Variants in RBFOX1 observed in about 807,000 individuals in gnomAD.
The protein encoded by RBFOX1 is RNA binding fox-1 homolog 1, also known as RNA binding protein fox-1 homolog 1.
A neutral mutation model predicts 57.7 loss-of-function variants in RBFOX1; 8 were observed. That is an observed-to-expected ratio of 0.14 (90% CI 0.08 to 0.25). The LOEUF is 0.25. Ranked by LOEUF, RBFOX1 falls within the 10% of genes least tolerant of loss-of-function variation. The pLI, the probability that RBFOX1 is intolerant of heterozygous loss-of-function variation, is 1.00. For missense variants in RBFOX1, 611 were observed against 548.5 expected, an observed-to-expected ratio of 1.11 and a Z score of -1.14; for synonymous variants, 326 against 222.4, an observed-to-expected ratio of 1.47 and a Z score of -4.15.
intron 3 of RBFOX1, among the ~76,000 whole-genome samples, chr16:6,699,684 C>T (rs1013503837): frequency 6.6e-6 from 1 of 152,124 alleles, no homozygotes; most frequent in African/African-American, 2.4e-5. Flanking sequence ...ATGGACAAGG[C>T]ATTGGGTTAA....
At chr16:6,337,004 A>G (rs78209119) in intron 2 of RBFOX1, among the ~76,000 whole-genome samples, 1,960 of 152,268 alleles carry the variant, frequency 0.013, 35 homozygotes, top group African/African-American at 0.045. Flanking sequence ...CCTTATTCTA[A>G]AGGAACTCAA....
chr16:6,808,176 G>GTA (rs1200703898), intron 3 of RBFOX1, among the ~76,000 whole-genome samples: 5 of 143,836 alleles, frequency 3.5e-5, no homozygotes, highest in African/African-American at 1.4e-4. Context: ...GTGTGTGTGT[G>GTA]TGTATATATA....
intron 2 of RBFOX1, among the ~76,000 whole-genome samples, chr16:6,395,496 T>G (rs1002224593): frequency 1.3e-5 from 2 of 151,284 alleles, no homozygotes; most frequent in Non-Finnish European, 2.9e-5. Context: ...CTTTTTCTCA[T>G]TTTTTGTAGA....
chr16:6,497,603 C>T (rs1038576184), intron 2 of RBFOX1, among the ~76,000 whole-genome samples: 1 of 151,628 alleles, frequency 6.6e-6, no homozygotes, highest in Non-Finnish European at 1.5e-5. Flanking sequence ...GTCACCCAGG[C>T]TGGACTGCAG....
Position 7,551,765 on chromosome 16 carries a change from A to G in RBFOX1, c.271-28012A>G, listed in dbSNP as rs138572004. ...CTGTGTTCCATGAGATCCCACTGGTAGCTTGAAATAGGCCATGATGTCAAT... is the reference window on the plus strand; with the variant it reads ...CTGTGTTCCATGAGATCCCACTGGTGGCTTGAAATAGGCCATGATGTCAAT... On this transcript the variant is annotated intron_variant, in intron 5 of 15. Coordinates refer to ENST00000550418, the MANE Select transcript of RBFOX1 (RefSeq NM_018723.4). 3.9e-5 allele frequency among the ~76,000 whole-genome samples: 6 copies of G among 152,314 alleles called. No homozygotes were observed. In the East Asian group the frequency reaches 9.6e-4, roughly 24 times the overall value.
chr16:6,649,987 G>T (rs1445527081), intron 2 of RBFOX1, among the ~76,000 whole-genome samples: 2 of 152,146 alleles, frequency 1.3e-5, no homozygotes, highest in Non-Finnish European at 2.9e-5. Flanking sequence ...TATTCAGTTT[G>T]ATTCCCTATC....
chr16:5,806,317 G>A (rs1276749275), intron 3 of RBFOX1, among the ~76,000 whole-genome samples: 1 of 152,160 alleles, frequency 6.6e-6, no homozygotes, highest in East Asian at 1.9e-4. Context: ...TTGGCATTTG[G>A]CGTCTGGTGA....
intron 1 of RBFOX1, among the ~76,000 whole-genome samples, chr16:6,143,234 A>G (rs1164728812): frequency 6.6e-6 from 1 of 152,178 alleles, no homozygotes; most frequent in Non-Finnish European, 1.5e-5. Flanking sequence ...TGAAAAGTGG[A>G]ATTGCATGTT....
At chr16:6,840,689 C>T (rs891827226) in intron 3 of RBFOX1, among the ~76,000 whole-genome samples, 5 of 151,770 alleles carry the variant, frequency 3.3e-5, no homozygotes, top group Non-Finnish European at 5.9e-5. Context: ...CAGATCGAGA[C>T]CATCCTGGCC....
intron 4 of RBFOX1, among the ~76,000 whole-genome samples, chr16:7,154,561 G>A (rs893437891): frequency 1.3e-5 from 2 of 152,146 alleles, no homozygotes; most frequent in Non-Finnish European, 2.9e-5. Context: ...TCTTCCTCTT[G>A]TTAAAACTAT....
At chr16:6,513,291 G>T (rs1001576245) in intron 2 of RBFOX1, among the ~76,000 whole-genome samples, 3 of 152,216 alleles carry the variant, frequency 2.0e-5, no homozygotes, top group African/African-American at 7.2e-5. Context: ...CTGGCAAAGG[G>T]ACTGGGCTGC....
chr16:7,261,286 G>A (rs1408256381), intron 4 of RBFOX1, among the ~76,000 whole-genome samples: 2 of 152,144 alleles, frequency 1.3e-5, no homozygotes, highest in Non-Finnish European at 2.9e-5. Flanking sequence ...TGTATAAAGT[G>A]GAATTGATGA....
At chr16:6,908,743 T>G (rs1232095848) in intron 3 of RBFOX1, among the ~76,000 whole-genome samples, 1 of 152,202 alleles carries the variant, frequency 6.6e-6, no homozygotes, top group Non-Finnish European at 1.5e-5. Context: ...CTTGTTCACC[T>G]CATTGACTCA....
chr16:5,444,036 A>G (rs896070082), intron 1 of RBFOX1, among the ~76,000 whole-genome samples: 1 of 152,162 alleles, frequency 6.6e-6, no homozygotes, highest in Non-Finnish European at 1.5e-5. Context: ...AGCCCATTCC[A>G]GTAAATTGGT....
At chr16:5,653,090 G>A (rs1370286559) in intron 3 of RBFOX1, among the ~76,000 whole-genome samples, 1 of 151,588 alleles carries the variant, frequency 6.6e-6, no homozygotes, top group African/African-American at 2.4e-5. Flanking sequence ...GGGGTGCTGA[G>A]TTGTGTGCTG....
intron 3 of RBFOX1, among the ~76,000 whole-genome samples, chr16:6,786,334 A>T (rs148398769): frequency 2.6e-5 from 4 of 152,142 alleles, no homozygotes; most frequent in Non-Finnish European, 4.4e-5. Flanking sequence ...AAGGCCCACA[A>T]TGTACCCCCA....
chr16:5,244,199 G>A (rs907977141), intron 1 of RBFOX1, among the ~76,000 whole-genome samples: 1 of 152,216 alleles, frequency 6.6e-6, no homozygotes, highest in Non-Finnish European at 1.5e-5. Flanking sequence ...GCTGGGCTGG[G>A]CATAGCATTG....
At chr16:6,026,408 G>C (rs1459262502) in intron 1 of RBFOX1, among the ~76,000 whole-genome samples, 1 of 152,218 alleles carries the variant, frequency 6.6e-6, no homozygotes, top group Non-Finnish European at 1.5e-5. Context: ...CAGGCGTTAA[G>C]CAATTTGTCC....
intron 3 of RBFOX1, among the ~76,000 whole-genome samples, chr16:6,946,156 T>G (rs2079474319): frequency 6.6e-6 from 1 of 152,186 alleles, no homozygotes; most frequent in African/African-American, 2.4e-5. Context: ...AACTCATGAT[T>G]AGGGGTTGGC....
Sources: gnomAD v4.1 joint callset for allele counts (sites outside exome capture counted in the v4.1 genomes callset) on GRCh38, gnomAD v4.1.1 for gene constraint, MANE v1.5 for transcripts, NCBI Gene and HGNC (gene_info 2026-07-23, HGNC 2026-07-21) for gene names.